Variants in MCC observed in about 807,000 individuals in gnomAD.
MCC encodes the protein colorectal mutant cancer protein.
Under a neutral mutation model 116.2 loss-of-function variants are expected in MCC, and 90 were observed. The ratio of observed to expected loss-of-function variants is 0.77; its 90% CI spans 0.65 to 0.92. MCC has a LOEUF of 0.92. Among genes scored for constraint, MCC ranks in the 40% least tolerant of loss-of-function variants. The pLI, the probability that MCC is intolerant of heterozygous loss-of-function variation, is 0.00. For missense variants in MCC, 1,516 were observed against 1,312.2 expected, an observed-to-expected ratio of 1.16 and a Z score of -2.40; for synonymous variants, 578 against 510.5, an observed-to-expected ratio of 1.13 and a Z score of -1.78.
intron 1 of MCC, among the ~76,000 whole-genome samples, chr5:113,479,936 T>C (rs924791370): frequency 6.6e-6 from 1 of 152,228 alleles, no homozygotes; most frequent in Non-Finnish European, 1.5e-5. Context: ...CCAAGAAGAA[T>C]AAATATATTG....
chr5:113,293,573 A>G (rs373828741), intron 3 of MCC, among the ~76,000 whole-genome samples: 3 of 152,150 alleles, frequency 2.0e-5, no homozygotes, highest in Admixed American at 2.0e-4. Flanking sequence ...TGCCCGAAGC[A>G]TCCCTAAAAT....
chr5:113,222,701 C>T (rs545070632), intron 3 of MCC, among the ~76,000 whole-genome samples: 3 of 152,282 alleles, frequency 2.0e-5, no homozygotes, highest in South Asian at 2.1e-4. Flanking sequence ...TGAAATGGCA[C>T]ATATTTCTGT....
chr5:113,248,232 AT>A (rs1350374586), intron 3 of MCC, among the ~76,000 whole-genome samples: 1 of 110,732 alleles, frequency 9.0e-6, no homozygotes, highest in African/African-American at 5.2e-5. Flanking sequence ...CCTTGTATCT[AT>A]TTAAAAAAAA....
In MCC at chr5:113,470,460, T is replaced by C. The variant is rs1426480080; in HGVS notation, c.170+17785A>G. Reference sequence around the variant, plus strand: ...TTATGAAGCTTAGTTTGGCTGGATATGAAATTCTGGGTTGAAAATTCTTTT... The same window carrying C: ...TTATGAAGCTTAGTTTGGCTGGATACGAAATTCTGGGTTGAAAATTCTTTT... On this transcript the variant is annotated intron_variant, in intron 1 of 18. Transcript: ENST00000408903. Among the ~76,000 whole-genome samples the C allele has an allele frequency of 2.6e-5, 4 of 152,158 alleles. No homozygotes were observed. In the East Asian group the frequency reaches 5.8e-4, roughly 22 times the overall value.
At chr5:113,431,237 T>A (rs1258655063) in intron 1 of MCC, among the ~76,000 whole-genome samples, 1 of 152,110 alleles carries the variant, frequency 6.6e-6, no homozygotes, top group Non-Finnish European at 1.5e-5. Flanking sequence ...ATTAGTTGCA[T>A]ATGGTAGGTG....
chr5:113,027,230 T>C lies in MCC; in HGVS notation c.*72A>G, dbSNP rs980736763. On this transcript the variant is annotated 3_prime_UTR_variant, in exon 19 of 19. Coordinates refer to ENST00000408903, the MANE Select transcript of MCC (RefSeq NM_001085377.2). The stretch of plus-strand genomic sequence containing the variant: ...TTTCCTCCTCCTCCCAACAAGTACA[T>C]GGGCCCTTCTGTCCCCAGTGGCCTG... 5 of 1,509,982 alleles carry C rather than the reference T, an allele frequency of 3.3e-6. No individual in the cohort carries two copies. Among genetic ancestry groups the C allele is most frequent in the Non-Finnish European group, 3.6e-6 (4 of 1,108,688 alleles). The allele number at this position is 1,509,982 out of a possible 1,614,324, so 93.5% of individuals were successfully genotyped here.
intron 1 of MCC, among the ~76,000 whole-genome samples, chr5:113,447,098 A>G (rs1356029432): frequency 2.0e-5 from 3 of 152,124 alleles, no homozygotes; most frequent in Admixed American, 2.0e-4. Context: ...GTAGAGCTGG[A>G]TGAAAAATAG....
chr5:113,116,223 C>T (rs74371546), intron 6 of MCC, among the ~76,000 whole-genome samples: 2,609 of 152,280 alleles, frequency 0.017, 59 homozygotes, highest in African/African-American at 0.06. Flanking sequence ...AGGATTTCCA[C>T]GCCACCAGGA....
intron 2 of MCC, among the ~76,000 whole-genome samples, chr5:113,355,232 G>A (rs1402876433): frequency 6.6e-6 from 1 of 152,182 alleles, no homozygotes; most frequent in Non-Finnish European, 1.5e-5. Flanking sequence ...CAACCTCAAA[G>A]GGCACCAACA....
chr5:113,453,278 T>C (rs1771451447), intron 1 of MCC, among the ~76,000 whole-genome samples: 3 of 152,074 alleles, frequency 2.0e-5, no homozygotes, highest in African/African-American at 7.2e-5. Flanking sequence ...GGCCCCAGCT[T>C]GTACACACAC....
At chr5:113,269,713 G>C (rs1765543246) in intron 3 of MCC, among the ~76,000 whole-genome samples, 1 of 152,188 alleles carries the variant, frequency 6.6e-6, no homozygotes, top group African/African-American at 2.4e-5. Flanking sequence ...AATTTACCTA[G>C]TTCAGCTGCC....
chr5:113,331,484 T>TCCTTA lies in MCC; in HGVS notation c.627+9030_627+9034dup, dbSNP rs542460904. 3.8e-4 allele frequency among the ~76,000 whole-genome samples: 57 copies of TCCTTA among 151,878 alleles called. No individual in the cohort carries two copies. In the South Asian group the frequency reaches 0.012, roughly 31 times the overall value. On this transcript the variant is annotated intron_variant, in intron 3 of 18. Coordinates refer to ENST00000408903, the MANE Select transcript of MCC (RefSeq NM_001085377.2). ...GTCTTGGTTCTACTACTTTTGTGTG[T>TCCTTA]CCTTAGGTGGATATTTTGATCTGGG...
intron 3 of MCC, among the ~76,000 whole-genome samples, chr5:113,263,937 GAA>G (rs368786926): frequency 7.0e-6 from 1 of 142,052 alleles, no homozygotes; most frequent in African/African-American, 2.6e-5. Flanking sequence ...AAGAAAAAAA[GAA>G]AAAAAAAAAC....
In MCC at chr5:113,023,442, C is replaced by CCAT. The variant is rs1271357749; in HGVS notation, c.*3857_*3859dup. 1.3e-5 allele frequency: 2 copies of CCAT among 152,292 alleles called. No homozygotes were observed. Among genetic ancestry groups the CCAT allele is most frequent in the South Asian group, 2.1e-4 (1 of 4,826 alleles). 9.4% of individuals were successfully genotyped at this position (152,292 alleles called of 1,614,324 possible). A position where few individuals can be genotyped will look rare whatever the true frequency, so the allele number is the denominator to read the frequency against. ...AAAAATTTTATAGTGTTCTACAAAG[C>CCAT]CATCACCTTCTGCAGAAAAAAAATG... On this transcript the variant is annotated 3_prime_UTR_variant, in exon 19 of 19. Transcript: ENST00000408903.
chr5:113,301,236 C>A (rs1048782351), intron 3 of MCC, among the ~76,000 whole-genome samples: 1 of 152,128 alleles, frequency 6.6e-6, no homozygotes, highest in Non-Finnish European at 1.5e-5. Context: ...GAGGCCAAGG[C>A]GGGTGGGTCA....
At chr5:113,315,871 C>T (rs1240566637) in intron 3 of MCC, among the ~76,000 whole-genome samples, 1 of 151,984 alleles carries the variant, frequency 6.6e-6, no homozygotes, top group Non-Finnish European at 1.5e-5. Context: ...GAGTGAGACC[C>T]TGTCTCAAAA....
chr5:113,136,506 T>C (rs1226326011), intron 5 of MCC, among the ~76,000 whole-genome samples: 2 of 152,060 alleles, frequency 1.3e-5, no homozygotes, highest in African/African-American at 2.4e-5. Context: ...GTAAGAATTA[T>C]ATAAGAATCA....
chr5:113,193,013 C>A (rs182310945), intron 3 of MCC, among the ~76,000 whole-genome samples: 1 of 152,166 alleles, frequency 6.6e-6, no homozygotes, highest in African/African-American at 2.4e-5. Context: ...CAGGCTTCCC[C>A]GGAAGGCTCT....
intron 3 of MCC, among the ~76,000 whole-genome samples, chr5:113,265,558 G>C (rs1765389357): frequency 6.6e-6 from 1 of 152,108 alleles, no homozygotes; most frequent in Non-Finnish European, 1.5e-5. Flanking sequence ...GGGTACCTTT[G>C]GTTGAACGTT....
Sources: gnomAD v4.1 joint callset for allele counts (sites outside exome capture counted in the v4.1 genomes callset) on GRCh38, gnomAD v4.1.1 for gene constraint, MANE v1.5 for transcripts, NCBI Gene and HGNC (gene_info 2026-07-23, HGNC 2026-07-21) for gene names.